The following B3GALT1 variants were observed in gnomAD, a reference collection of about 807,000 sequenced individuals.
B3GALT1 encodes the protein UDP-Gal:betaGlcNAc beta 1,3-galactosyltransferase, polypeptide 1.
In B3GALT1, 10 loss-of-function variants were observed where a neutral mutation model predicts 23.2. The observed-to-expected ratio is 0.43, with a 90% CI of 0.27 to 0.73. The LOEUF is 0.73. B3GALT1 is among the 30% of genes least tolerant of loss of function. B3GALT1 has a pLI of 0.21. For synonymous variants in B3GALT1, 156 were observed against 141.5 expected, an observed-to-expected ratio of 1.10 and a Z score of -0.73; for missense variants, 299 against 405.4, an observed-to-expected ratio of 0.74 and a Z score of 2.25.
At chr2:167,678,633 A>T (rs962400020) in intron 3 of B3GALT1, among the ~76,000 whole-genome samples, 6 of 152,150 alleles carry the variant, frequency 3.9e-5, no homozygotes, top group Admixed American at 6.6e-5. Context: ...TTTAACTCAA[A>T]AATGTATTAA....
intron 3 of B3GALT1, among the ~76,000 whole-genome samples, chr2:167,782,030 C>G (rs560242854): frequency 6.6e-6 from 1 of 152,278 alleles, no homozygotes; most frequent in East Asian, 1.9e-4. Context: ...GGTGTGAGCA[C>G]TACACCCTGC....
intron 1 of B3GALT1, among the ~76,000 whole-genome samples, chr2:167,436,552 A>G (rs6734049): frequency 0.061 from 9,235 of 152,248 alleles, 364 homozygotes; most frequent in African/African-American, 0.11. Context: ...TCATTGACAA[A>G]TTGTGTTTAT....
chr2:167,816,373 G>A (rs768908619), intron 3 of B3GALT1, among the ~76,000 whole-genome samples: 4 of 151,426 alleles, frequency 2.6e-5, no homozygotes, highest in Non-Finnish European at 5.9e-5. Flanking sequence ...TTACATCTAA[G>A]TAAGATTTAA....
At chr2:167,455,439 A>G (rs1699153683) in intron 1 of B3GALT1, among the ~76,000 whole-genome samples, 1 of 152,142 alleles carries the variant, frequency 6.6e-6, no homozygotes, top group Non-Finnish European at 1.5e-5. Flanking sequence ...GAGTAAAATA[A>G]AAGTGCCATT....
At chr2:167,681,474 C>T (rs1033560868) in intron 3 of B3GALT1, among the ~76,000 whole-genome samples, 9 of 152,184 alleles carry the variant, frequency 5.9e-5, no homozygotes, top group African/African-American at 1.7e-4. Flanking sequence ...GAATCTCAGA[C>T]TCAAACTAGT....
intron 3 of B3GALT1, among the ~76,000 whole-genome samples, chr2:167,774,433 C>T (rs1422086857): frequency 6.7e-6 from 1 of 149,028 alleles, no homozygotes; most frequent in Non-Finnish European, 1.5e-5. Flanking sequence ...ACCTAGTATC[C>T]TTTGCATACC....
At chr2:167,784,738 A>C (rs1252177299) in intron 3 of B3GALT1, among the ~76,000 whole-genome samples, 1 of 152,218 alleles carries the variant, frequency 6.6e-6, no homozygotes, top group East Asian at 1.9e-4. Context: ...TATGTAAAAC[A>C]ATGCTGTATT....
At chr2:167,613,173 A>G (rs1261640052) in intron 2 of B3GALT1, among the ~76,000 whole-genome samples, 1 of 151,912 alleles carries the variant, frequency 6.6e-6, no homozygotes, top group Non-Finnish European at 1.5e-5. Context: ...TTGCAGTTCA[A>G]TCTCTAAGAT....
At chr2:167,519,189 A>G (rs1700149289) in intron 2 of B3GALT1, among the ~76,000 whole-genome samples, 1 of 152,194 alleles carries the variant, frequency 6.6e-6, no homozygotes, top group Admixed American at 6.5e-5. Flanking sequence ...ATATGGACTC[A>G]GCGCATTTCT....
chr2:167,800,444 T>C (rs1038797093), intron 3 of B3GALT1, among the ~76,000 whole-genome samples: 9 of 152,192 alleles, frequency 5.9e-5, no homozygotes, highest in African/African-American at 2.2e-4. Flanking sequence ...CATTCTACCC[T>C]GTTCACAACC....
intron 1 of B3GALT1, among the ~76,000 whole-genome samples, chr2:167,486,078 C>T (rs1699622960): frequency 6.6e-6 from 1 of 152,120 alleles, no homozygotes; most frequent in African/African-American, 2.4e-5. Flanking sequence ...TGAGATTCTT[C>T]AGGCTGGACG....
rs146835835 is a variant in B3GALT1, at chr2:167,623,545, T to G, written c.-409-23364T>G. Among the ~76,000 whole-genome samples, 265 of 152,102 alleles carry G rather than the reference T, an allele frequency of 1.7e-3. 2 individuals are homozygous for G. The highest frequency in any genetic ancestry group is 5.9e-3 in the African/African-American group (246 of 41,498). On this transcript the variant is annotated intron_variant, in intron 2 of 4. Coordinates refer to ENST00000392690, the MANE Select transcript of B3GALT1 (RefSeq NM_020981.4). ...CATATTCTCACCCATAAGTGGGAGT[T>G]GAACAATGAGAACACATGGGCACAG...
intron 3 of B3GALT1, among the ~76,000 whole-genome samples, chr2:167,668,621 C>T (rs534399204): frequency 3.3e-5 from 5 of 152,188 alleles, no homozygotes; most frequent in Non-Finnish European, 5.9e-5. Flanking sequence ...GCTTAGGACC[C>T]TCCAAGCCAT....
At chr2:167,808,411 A>G (rs1442031422) in intron 3 of B3GALT1, among the ~76,000 whole-genome samples, 5 of 151,412 alleles carry the variant, frequency 3.3e-5, no homozygotes, top group Non-Finnish European at 5.9e-5. Context: ...TGGTCTTTAC[A>G]GTTTGGCATG....
Position 167,653,818 on chromosome 2 carries a change from G to A in B3GALT1, c.-352+6852G>A, listed in dbSNP as rs1328755337. ...CACCACTGCCAGTGCCCTGGTGGGA[G>A]TTCACTGGTTGGCTCCATTTAGTCC... On this transcript the variant is annotated intron_variant, in intron 3 of 4. Coordinates refer to ENST00000392690, the MANE Select transcript of B3GALT1 (RefSeq NM_020981.4). Among the ~76,000 whole-genome samples the A allele has an allele frequency of 2.0e-5, 3 of 152,196 alleles. No homozygotes were observed. In the East Asian group the frequency reaches 5.8e-4, roughly 29 times the overall value.
At chr2:167,688,426 G>A (rs1686651352) in intron 3 of B3GALT1, among the ~76,000 whole-genome samples, 1 of 151,640 alleles carries the variant, frequency 6.6e-6, no homozygotes, top group Non-Finnish European at 1.5e-5. Context: ...TAAGAGTCTT[G>A]GCAAAAAATT....
At chr2:167,320,685 T>C (rs1045922028) in intron 1 of B3GALT1, among the ~76,000 whole-genome samples, 9 of 152,286 alleles carry the variant, frequency 5.9e-5, no homozygotes, top group African/African-American at 2.2e-4. Context: ...TCATGTTTCC[T>C]GTATAGATTA....
chr2:167,567,454 T>G (rs752713881), intron 2 of B3GALT1, among the ~76,000 whole-genome samples: 1 of 152,162 alleles, frequency 6.6e-6, no homozygotes, highest in Non-Finnish European at 1.5e-5. Context: ...AGTTTTGTAT[T>G]TTAAATAAAG....
Position 167,514,008 on chromosome 2 carries a change from G to A in B3GALT1, c.-410+23731G>A, listed in dbSNP as rs1700066380. On this transcript the variant is annotated intron_variant, in intron 2 of 4. Coordinates refer to ENST00000392690, the MANE Select transcript of B3GALT1 (RefSeq NM_020981.4). ...TGCAAGCTCCGCCTCCCGGGTTCAT[G>A]CCATTCCCCTGCCTCAGCCTCCTGA... Among the ~76,000 whole-genome samples, 6 of 152,234 alleles carry A rather than the reference G, an allele frequency of 3.9e-5. No homozygotes were observed. In the South Asian group the frequency reaches 1.2e-3, roughly 32 times the overall value.
Sources: allele counts gnomAD v4.1 joint callset (sites outside exome capture counted in the v4.1 genomes callset), GRCh38; gene constraint gnomAD v4.1.1; transcripts MANE v1.5; gene names NCBI Gene and HGNC (gene_info 2026-07-23, HGNC 2026-07-21).